The following ZFYVE16 variants were observed in gnomAD, a reference collection of about 807,000 sequenced individuals.
The protein encoded by ZFYVE16 is zinc finger FYVE domain-containing protein 16.
A neutral mutation model predicts 138.1 loss-of-function variants in ZFYVE16; 89 were observed. The observed-to-expected ratio is 0.64, with a 90% confidence interval of 0.54 to 0.77. The LOEUF (loss-of-function observed/expected upper bound fraction) is 0.77. ZFYVE16 is among the 30% of genes least tolerant of loss of function. The pLI, the probability that ZFYVE16 is intolerant of heterozygous loss-of-function variation, is 0.00. For missense variants in ZFYVE16, 1,793 were observed against 1,786.7 expected, an observed-to-expected ratio of 1.00 and a Z score of -0.06; for synonymous variants, 596 against 618.3, an observed-to-expected ratio of 0.96 and a Z score of 0.53.
chr5:80,446,991 G>A (rs1751426520), intron 7 of ZFYVE16, among the ~76,000 whole-genome samples: 1 of 152,288 alleles, frequency 6.6e-6, no homozygotes, highest in African/African-American at 2.4e-5. Context: ...GCCTGGCGCG[G>A]TGGCTCATGC....
upstream of ZFYVE16, chr5:80,407,898 C>T (rs939345214): frequency 6.6e-6 from 1 of 152,400 alleles, no homozygotes; most frequent in Admixed American, 6.5e-5. Flanking sequence ...AATCTAGTGC[C>T]CTTGGCTCGG....
chr5:80,430,390 A>G (rs151297139), intron 2 of ZFYVE16, among the ~76,000 whole-genome samples: 117,380 of 151,050 alleles, frequency 0.78, 48,744 homozygotes, highest in East Asian at 0.92. Context: ...TTTGAAACCA[A>G]CGAGAACAAA....
At chr5:80,466,664 A>C (rs1561327589) in intron 15 of ZFYVE16, among the ~76,000 whole-genome samples, 1 of 152,086 alleles carries the variant, frequency 6.6e-6, no homozygotes, top group Non-Finnish European at 1.5e-5. Flanking sequence ...ATTTCTTTGG[A>C]TAAAAGGGTT....
intron 1 of ZFYVE16, among the ~76,000 whole-genome samples, chr5:80,420,915 G>C (rs1275057394): frequency 6.6e-6 from 1 of 152,202 alleles, no homozygotes; most frequent in Non-Finnish European, 1.5e-5. Context: ...CCCACCAACA[G>C]TGTAAAAGTG....
At chr5:80,475,884 AT>A (rs1754859990) in intron 18 of ZFYVE16, among the ~76,000 whole-genome samples, 1 of 152,234 alleles carries the variant, frequency 6.6e-6, no homozygotes, top group African/African-American at 2.4e-5. Context: ...TTACCATATT[AT>A]CCCAAATAGA....
chr5:80,417,082 G>A (rs1746365050), intron 1 of ZFYVE16, among the ~76,000 whole-genome samples: 2 of 152,036 alleles, frequency 1.3e-5, no homozygotes, highest in African/African-American at 2.4e-5. Context: ...CCTTCAACAG[G>A]GAGAAACTTG....
In ZFYVE16 at chr5:80,480,874, C is replaced by T. The variant is rs185371377; in HGVS notation, c.*3497C>T. Among the ~76,000 whole-genome samples, 14 of 151,772 alleles carry T rather than the reference C, an allele frequency of 9.2e-5. No homozygotes were observed. The East Asian group carries it at 1.2e-3, about 13-fold the overall frequency. On this transcript the variant is annotated 3_prime_UTR_variant, in exon 19 of 19. Coordinates refer to ENST00000505560, the MANE Select transcript of ZFYVE16 (RefSeq NM_001284236.3). ...GGTTAAGGCTCCAGTGAGCTGTGAT[C>T]GTGCAACAGAGCAAAACCTTGTCTC... is the stretch of plus-strand genomic sequence containing the variant.
At chr5:80,444,238 G>A (rs539029104) in intron 6 of ZFYVE16, among the ~76,000 whole-genome samples, 43 of 151,924 alleles carry the variant, frequency 2.8e-4, no homozygotes, top group South Asian at 6.2e-4. Flanking sequence ...TTATATGGTC[G>A]TATATTATAG....
intron 1 of ZFYVE16, among the ~76,000 whole-genome samples, chr5:80,420,468 C>G (rs1045073294): frequency 4.6e-5 from 7 of 152,088 alleles, no homozygotes; most frequent in African/African-American, 1.7e-4. Flanking sequence ...ACGACAGGCC[C>G]TGGTGTGTGA....
rs754646941 is a variant in ZFYVE16 at position 80,445,327 on chromosome 5, T to G, written c.2646T>G (p.Val882=). 1.2e-6 allele frequency: 2 copies of G among 1,614,032 alleles called. No homozygotes were observed. Among genetic ancestry groups the G allele is most frequent in the Admixed American group, 3.3e-5 (2 of 60,024 alleles). The change falls in exon 7 of 19, where the codon GTT becomes GTG. Residue 882 remains valine, a synonymous_variant. Transcript: ENST00000505560. Reference sequence around the variant, plus strand: ...ATGGTATATTGCCCAATGGTGAAGTTGCAGATACAACAAAATTATCATCTG... The same window carrying G: ...ATGGTATATTGCCCAATGGTGAAGTGGCAGATACAACAAAATTATCATCTG... The part of the protein sequence containing the change: ...FADGILPNGE[V]ADTTKLSSGS...
intron 2 of ZFYVE16, among the ~76,000 whole-genome samples, chr5:80,431,036 TG>T (rs574446835): frequency 2.6e-5 from 4 of 152,310 alleles, no homozygotes; most frequent in African/African-American, 7.2e-5. Flanking sequence ...CCATTCCTTC[TG>T]AAACTATTCC....
intron 1 of ZFYVE16, among the ~76,000 whole-genome samples, chr5:80,418,479 A>T (rs1333932035): frequency 6.6e-6 from 1 of 151,438 alleles, no homozygotes; most frequent in Non-Finnish European, 1.5e-5. Context: ...CACCTAACTA[A>T]TTTTTAATTT....
rs768803413 is a variant in ZFYVE16 at position 80,423,179 on chromosome 5, T to C, written c.-93-4313T>C. Among the ~76,000 whole-genome samples the C allele has an allele frequency of 2.0e-5, 3 of 152,328 alleles. No individual in the cohort carries two copies. In the East Asian group the frequency reaches 5.8e-4, roughly 29 times the overall value. On this transcript the variant is annotated intron_variant, in intron 1 of 18. Coordinates refer to ENST00000505560, the MANE Select transcript of ZFYVE16 (RefSeq NM_001284236.3). ...GGTGATTTATTTTTATGGAACGTTA[T>C]TAATTATTTATTTAATTTTTAAAAT... is the stretch of plus-strand genomic sequence containing the variant.
At chr5:80,450,697 T>C (rs1339057678) in intron 10 of ZFYVE16, 111 bp downstream of exon 10, 1 of 1,085,496 alleles carries the variant, frequency 9.2e-7, no homozygotes, top group South Asian at 2.1e-5. Context: ...TGTGAAGAGA[T>C]TGCTGATTTC....
At chr5:80,475,108 C>T (rs981334007) in intron 18 of ZFYVE16, among the ~76,000 whole-genome samples, 2 of 152,180 alleles carry the variant, frequency 1.3e-5, no homozygotes, top group Non-Finnish European at 2.9e-5. Flanking sequence ...AGCAGCCATT[C>T]ACAGTATGTA....
At chr5:80,425,776 TG>T in intron 1 of ZFYVE16, among the ~76,000 whole-genome samples, 1 of 152,310 alleles carries the variant, frequency 6.6e-6, no homozygotes, top group African/African-American at 2.4e-5. Context: ...TAGGTGATAT[TG>T]TTCTTCCACA....
At chr5:80,420,155 G>T (rs1359220590) in intron 1 of ZFYVE16, among the ~76,000 whole-genome samples, 2 of 151,208 alleles carry the variant, frequency 1.3e-5, no homozygotes, top group African/African-American at 4.9e-5. Context: ...CACCCAGGCT[G>T]GAGTGCAGTG....
Position 80,472,886 on chromosome 5 carries a change from A to G in ZFYVE16, c.4150A>G (p.Ile1384Val), listed in dbSNP as rs746697539. 1.2e-6 allele frequency: 2 copies of G among 1,613,794 alleles called. No homozygotes were observed. The highest frequency in any genetic ancestry group is 1.1e-5 in the South Asian group (1 of 91,038). ...AGTAGACCTGAGAGAATACGTGGAT[A>G]TCTGCTGGGTAGATGCTGAAGAAAA... ...DAVDLREYVD[I>V]CWVDAEEKGN... The change falls in exon 16 of 19, where the codon ATC becomes GTC. Residue 1384 changes from isoleucine to valine, a missense_variant. Ile to Val is a conservative substitution (Grantham distance 29). This residue lies in a region of ZFYVE16 where 498 missense variants were observed against 582.4 expected (regional missense o/e 0.86). Coordinates refer to ENST00000505560, the MANE Select transcript of ZFYVE16 (RefSeq NM_001284236.3).
chr5:80,441,761 T>G, intron 5 of ZFYVE16: 3 of 985,408 alleles, frequency 3.0e-6, no homozygotes, highest in Non-Finnish European at 3.6e-6. Flanking sequence ...TGGATTTCAC[T>G]TGGTTAATGG....
Sources: gnomAD v4.1 joint callset for allele counts (sites outside exome capture counted in the v4.1 genomes callset) on GRCh38, gnomAD v4.1.1 for gene constraint, gnomAD v4.1.1 regional missense constraint, MANE v1.5 for transcripts, NCBI Gene and HGNC (gene_info 2026-07-23, HGNC 2026-07-21) for gene names.